The following RAD18 variants were observed in gnomAD, a reference collection of about 807,000 sequenced individuals.
RAD18 encodes the protein E3 ubiquitin-protein ligase RAD18.
Under a neutral mutation model 60.4 loss-of-function variants are expected in RAD18, and 47 were observed. The ratio of observed to expected loss-of-function variants is 0.78; its 90% CI spans 0.62 to 0.99. The LOEUF (loss-of-function observed/expected upper bound fraction) is 0.99, where lower values mean the gene tolerates loss of function less well. RAD18 is among the 50% of genes least tolerant of loss of function. The probability of loss-of-function intolerance (pLI) is 0.00; values close to 1 mark genes in which losing one functional copy is unlikely to be tolerated. For missense variants in RAD18, 640 were observed against 593.3 expected (o/e 1.08, Z -0.82); for synonymous variants, 225 against 195.5 (o/e 1.15, Z -1.26).
In RAD18 at chr3:8,935,500, T is replaced by C. The variant is rs1383896843; in HGVS notation, c.889+371A>G. On this transcript the variant is annotated intron_variant, in intron 7 of 12. Transcript: ENST00000264926. ...GGTAGTTATTATAACCCTTATTTTA[T>C]GAAGGAGAAAACTGAGGTACAGAGA... is the stretch of plus-strand genomic sequence containing the variant. 3.9e-5 allele frequency among the ~76,000 whole-genome samples: 6 copies of C among 152,172 alleles called. No homozygotes were observed. The East Asian group carries it at 1.2e-3, about 29-fold the overall frequency.
Position 8,879,200 on chromosome 3 carries a change from C to G in RAD18, c.*2157G>C, listed in dbSNP as rs1278273570. 1 of 152,114 alleles carries G rather than the reference C, an allele frequency of 6.6e-6. No individual in the cohort carries two copies. The highest frequency in any genetic ancestry group is 1.5e-5 in the Non-Finnish European group (1 of 68,026). 9.4% of individuals were successfully genotyped at this position (152,114 alleles called of 1,614,324 possible). A position where few individuals can be genotyped will look rare whatever the true frequency, so the allele number is the denominator to read the frequency against. ...TACTGTGGAGTGTTGTAGTCTAAAG[C>G]GTGCCCCTTAACCCCTACCACTAAA... is the stretch of plus-strand genomic sequence containing the variant. On this transcript the variant is annotated 3_prime_UTR_variant, in exon 13 of 13. Transcript: ENST00000264926.
Position 8,941,824 on chromosome 3 carries a change from A to G in RAD18, c.267-20T>C. The G allele has an allele frequency of 6.4e-7, 1 of 1,570,464 alleles. No individual in the cohort carries two copies. The highest frequency in any genetic ancestry group is 8.7e-7 in the Non-Finnish European group (1 of 1,149,394). On this transcript the variant is annotated intron_variant, in intron 4 of 12. Coordinates refer to ENST00000264926, the MANE Select transcript of RAD18 (RefSeq NM_020165.4). The stretch of plus-strand genomic sequence containing the variant: ...TGATTCCTTGAAGCACAAAGAACAC[A>G]ACAGACAATTAAGAGATCCAATTTT...
chr3:8,890,272 G>T, intron 12 of RAD18, 117 bp downstream of exon 12: 1 of 770,452 alleles, frequency 1.3e-6, no homozygotes, highest in Admixed American at 2.2e-5. Flanking sequence ...CTTGCATGAG[G>T]ATTACTACTT....
intron 7 of RAD18, among the ~76,000 whole-genome samples, chr3:8,934,978 C>T (rs941444865): frequency 6.6e-6 from 1 of 152,094 alleles, no homozygotes; most frequent in Non-Finnish European, 1.5e-5. Context: ...AAGCTATTGG[C>T]CCTTTATTTA....
intron 5 of RAD18, among the ~76,000 whole-genome samples, 175 bp downstream of exon 5, chr3:8,941,292 G>C (rs1396169961): frequency 2.0e-5 from 3 of 152,202 alleles, no homozygotes; most frequent in Non-Finnish European, 4.4e-5. Context: ...CTGAATTCCT[G>C]TTTCTGAGAG....
intron 9 of RAD18, among the ~76,000 whole-genome samples, chr3:8,911,362 T>C (rs1166803029): frequency 6.6e-6 from 1 of 152,174 alleles, no homozygotes; most frequent in Non-Finnish European, 1.5e-5. Flanking sequence ...TCACAGGCCT[T>C]AGTGATCCTT....
chr3:8,911,895 T>C (rs1940111085), intron 9 of RAD18, among the ~76,000 whole-genome samples: 3 of 152,190 alleles, frequency 2.0e-5, no homozygotes, highest in Admixed American at 1.3e-4. Flanking sequence ...GTTGGGAGGT[T>C]GCTAACAAGC....
rs1028194642 is a variant in RAD18, at chr3:8,922,560, A to G, written c.890-8840T>C. On this transcript the variant is annotated intron_variant, in intron 7 of 12. Transcript: ENST00000264926. ...AAATGTCCCTGTCTGACAGCTTGGA[A>G]GACAGCAGTGGTTCTTCCAGCATGC... 2.6e-5 allele frequency among the ~76,000 whole-genome samples: 4 copies of G among 152,360 alleles called. No homozygotes were observed. The East Asian group carries it at 5.8e-4, about 22-fold the overall frequency.
intron 2 of RAD18, among the ~76,000 whole-genome samples, chr3:8,951,409 G>A (rs563131511): frequency 6.6e-6 from 1 of 152,210 alleles, no homozygotes; most frequent in African/African-American, 2.4e-5. Flanking sequence ...AAAAGTGAAA[G>A]AGAAATAAGG....
chr3:8,902,787 G>C (rs1939936972), intron 9 of RAD18, among the ~76,000 whole-genome samples: 1 of 152,292 alleles, frequency 6.6e-6, no homozygotes, highest in South Asian at 2.1e-4. Context: ...AGCACTTTGG[G>C]AGGCCGAAGT....
chr3:8,881,481 G>A, intron 12 of RAD18, 22 bp from the exon 13 acceptor site: 1 of 1,537,786 alleles, frequency 6.5e-7, no homozygotes, highest in Non-Finnish European at 9.0e-7. Flanking sequence ...AAAAGGAAAT[G>A]ACATCTTGGA....
In RAD18 at chr3:8,904,194, T is replaced by C. The variant is rs151161693; in HGVS notation, c.1028-1674A>G. 2.7e-3 allele frequency among the ~76,000 whole-genome samples: 405 copies of C among 152,340 alleles called. 3 individuals are homozygous for C. Among genetic ancestry groups the C allele is most frequent in the African/African-American group, 9.5e-3 (396 of 41,592 alleles). On this transcript the variant is annotated intron_variant, in intron 9 of 12. Transcript: ENST00000264926. ...GATGATTCTTTGGCTCCTTCTTTGA[T>C]CACCTCATAATATCAGTCTTCTCTC...
At chr3:8,922,806 G>T (rs147260199) in intron 7 of RAD18, among the ~76,000 whole-genome samples, 4,449 of 152,246 alleles carry the variant, frequency 0.029, 95 homozygotes, top group Middle Eastern at 0.068. Context: ...AGGCAAACAG[G>T]GTCTGGAGTG....
rs1487654372 is a variant in RAD18 at position 8,877,738 on chromosome 3, T to C, written c.*3619A>G. ...ATCAGGGCAGGAACTGTCTTTGTTT[T>C]GCACATTACTTGACATATAGTCCTA... On this transcript the variant is annotated 3_prime_UTR_variant, in exon 13 of 13. Coordinates refer to ENST00000264926, the MANE Select transcript of RAD18 (RefSeq NM_020165.4). 6.6e-6 allele frequency: 1 copy of C among 152,156 alleles called. No individual in the cohort carries two copies. The highest frequency in any genetic ancestry group is 2.4e-5 in the African/African-American group (1 of 41,416). 9.4% of individuals were successfully genotyped at this position (152,156 alleles called of 1,614,324 possible).
intron 4 of RAD18, among the ~76,000 whole-genome samples, chr3:8,943,077 C>T (rs1256601195): frequency 6.6e-6 from 1 of 151,610 alleles, no homozygotes; most frequent in African/African-American, 2.4e-5. Flanking sequence ...CAGGCCTTGA[C>T]AGAACAAAGA....
intron 10 of RAD18, among the ~76,000 whole-genome samples, chr3:8,901,425 T>C (rs565037107): frequency 6.6e-6 from 1 of 152,156 alleles, no homozygotes; most frequent in African/African-American, 2.4e-5. Flanking sequence ...AAACAAAATA[T>C]GACATATACA....
chr3:8,951,808 AC>A (rs1347799090), intron 2 of RAD18, among the ~76,000 whole-genome samples: 1 of 152,236 alleles, frequency 6.6e-6, no homozygotes, highest in Non-Finnish European at 1.5e-5. Context: ...AGGTTAAACA[AC>A]AGAAATTGTT....
chr3:8,955,746 CTTGGAAA>C (rs1940999188), intron 2 of RAD18, among the ~76,000 whole-genome samples: 2 of 152,178 alleles, frequency 1.3e-5, no homozygotes, highest in Non-Finnish European at 2.9e-5. Flanking sequence ...AATCTCTCGG[CTTGGAAA>C]TTTATAATCA....
intron 9 of RAD18, among the ~76,000 whole-genome samples, chr3:8,907,940 A>G (rs1303523554): frequency 6.6e-6 from 1 of 152,188 alleles, no homozygotes; most frequent in African/African-American, 2.4e-5. Flanking sequence ...TCCCTCTTGC[A>G]AGGAGTGGCC....
Sources: gnomAD v4.1 joint callset for allele counts (sites outside exome capture counted in the v4.1 genomes callset) on GRCh38, gnomAD v4.1.1 for gene constraint, MANE v1.5 for transcripts, NCBI Gene and HGNC (gene_info 2026-07-23, HGNC 2026-07-21) for gene names.